Variants in DST observed in about 807,000 individuals in gnomAD.
DST encodes the protein dystonin.
A neutral mutation model predicts 875.2 loss-of-function variants in DST; 253 were observed. The ratio of observed to expected loss-of-function variants is 0.29; its 90% confidence interval spans 0.26 to 0.32. DST has a LOEUF of 0.32. Among genes scored for constraint, DST ranks in the 10% least tolerant of loss-of-function variants. The probability of loss-of-function intolerance (pLI) is 1.00; values close to 1 mark genes in which losing one functional copy is unlikely to be tolerated. For missense variants in DST, 8,287 were observed against 9,111.6 expected (o/e 0.91, Z 3.68); for synonymous variants, 3,124 against 3,197.1 (o/e 0.98, Z 0.77).
Position 56,597,760 on chromosome 6 carries a change from G to C in DST, c.12175C>G (p.Gln4059Glu). Residue 4059 changes from glutamine (Q) to glutamate (E), a missense_variant, in exon 47 of 104, where the codon CAG (glutamine) becomes GAG (glutamate). Transcript: ENST00000680361. ...QVGTTQENLN[Q>E]QYQKVKAQHE... is the part of the protein sequence containing the mutation. ...CACACCTTAACTTTCTGATATTGCT[G>C]ATTCAGATTCTCCTGAGTGGTTCCA... The C allele has an allele frequency of 6.2e-7, 1 of 1,613,636 alleles. No homozygotes were observed. The highest frequency in any genetic ancestry group is 8.5e-7 in the Non-Finnish European group (1 of 1,179,662).
intron 5 of DST, among the ~76,000 whole-genome samples, chr6:56,712,357 T>C (rs767336378): frequency 3.4e-4 from 51 of 152,076 alleles, no homozygotes; most frequent in Non-Finnish European, 4.6e-4. Flanking sequence ...TATGCTCACC[T>C]TTTTCCTACT....
At chr6:56,579,875 G>A (rs1398608253) in intron 49 of DST, among the ~76,000 whole-genome samples, 1 of 152,208 alleles carries the variant, frequency 6.6e-6, no homozygotes, top group Non-Finnish European at 1.5e-5. Context: ...CCTATAGGAA[G>A]GCTAAATTTG....
chr6:56,503,902 C>G, intron 78 of DST, 95 bp downstream of exon 78: 1 of 801,390 alleles, frequency 1.2e-6, no homozygotes, highest in Non-Finnish European at 2.0e-6. Context: ...AGCTGTCATA[C>G]TTACATTAGG....
intron 4 of DST, among the ~76,000 whole-genome samples, chr6:56,785,437 C>A (rs1428946322): frequency 1.3e-5 from 2 of 152,150 alleles, no homozygotes; most frequent in Admixed American, 6.5e-5. Flanking sequence ...CCGCCAGCCT[C>A]GCTGCCGCCT....
chr6:56,954,612 C>G lies in DST; in HGVS notation c.-25G>C. ...TGGTGCGGGCGAGGCGAGGGCGACTCGACGGCGGGGCTGGAGGGCGGCGGC... is the reference window on the plus strand; with the variant it reads ...TGGTGCGGGCGAGGCGAGGGCGACTGGACGGCGGGGCTGGAGGGCGGCGGC... On this transcript the variant is annotated 5_prime_UTR_variant, in exon 1 of 104. Coordinates refer to ENST00000680361, the MANE Select transcript of DST (RefSeq NM_001374736.1). 1 of 1,318,206 alleles carries G rather than the reference C, an allele frequency of 7.6e-7. No individual in the cohort carries two copies. Among genetic ancestry groups the G allele is most frequent in the South Asian group, 1.2e-5 (1 of 81,274 alleles). The allele number at this position is 1,318,206 out of a possible 1,614,324, so 81.7% of individuals were successfully genotyped here. A position where few individuals can be genotyped will look rare whatever the true frequency, so the allele number is the denominator to read the frequency against.
At chr6:56,496,791 T>G (rs1583147253) in intron 82 of DST, among the ~76,000 whole-genome samples, 1 of 151,974 alleles carries the variant, frequency 6.6e-6, no homozygotes, top group Non-Finnish European at 1.5e-5. Flanking sequence ...TAGACTGGAT[T>G]AAGAAAATGT....
At position 56,644,965 on chromosome 6, in the gene DST, T is replaced by A. The variant is rs114077591; in HGVS notation, c.1778+901A>T. Among the ~76,000 whole-genome samples the A allele has an allele frequency of 8.5e-3, 1,293 of 152,304 alleles. 10 individuals carry two copies. The highest frequency in any genetic ancestry group is 0.014 in the Non-Finnish European group (936 of 68,022). ...ATGGTAATGAATAAGTCTCAAGAGATCTGACGGTTTTGTAAATGGGAGTTC... is the reference window on the plus strand; with the variant it reads ...ATGGTAATGAATAAGTCTCAAGAGAACTGACGGTTTTGTAAATGGGAGTTC... On this transcript the variant is annotated intron_variant, in intron 15 of 103. Coordinates refer to ENST00000680361, the MANE Select transcript of DST (RefSeq NM_001374736.1).
At chr6:56,941,527 G>A (rs1374139232) in intron 2 of DST, among the ~76,000 whole-genome samples, 1 of 152,158 alleles carries the variant, frequency 6.6e-6, no homozygotes, top group Non-Finnish European at 1.5e-5. Flanking sequence ...CTGTCACCCA[G>A]GCTGCAGTGC....
chr6:56,491,202 G>A (rs1004759167), intron 85 of DST, among the ~76,000 whole-genome samples: 6 of 152,114 alleles, frequency 3.9e-5, no homozygotes, highest in Non-Finnish European at 8.8e-5. Flanking sequence ...CTATAACAAT[G>A]CAATTTGTCA....
chr6:56,832,643 C>A (rs1307697698), intron 4 of DST, among the ~76,000 whole-genome samples: 1 of 151,668 alleles, frequency 6.6e-6, no homozygotes, highest in Non-Finnish European at 1.5e-5. Flanking sequence ...CTCTATAGCA[C>A]AAACTATTGC....
intron 2 of DST, among the ~76,000 whole-genome samples, chr6:56,908,051 G>A (rs568016062): frequency 8.0e-5 from 12 of 149,462 alleles, no homozygotes; most frequent in African/African-American, 2.5e-4. Flanking sequence ...CCTGGGAGGC[G>A]GAGTGAGACT....
intron 61 of DST, among the ~76,000 whole-genome samples, chr6:56,546,984 C>A (rs1008976600): frequency 2.6e-5 from 4 of 152,160 alleles, no homozygotes; most frequent in African/African-American, 9.7e-5. Flanking sequence ...TATAAAATCT[C>A]TGGCTGGAAC....
intron 61 of DST, among the ~76,000 whole-genome samples, chr6:56,549,822 A>C (rs1021557216): frequency 1.2e-4 from 18 of 152,200 alleles, no homozygotes; most frequent in African/African-American, 4.3e-4. Flanking sequence ...AGATGATTAG[A>C]AAATCCCCCA....
intron 86 of DST, among the ~76,000 whole-genome samples, chr6:56,487,974 A>T (rs1378910079): frequency 2.6e-5 from 4 of 152,220 alleles, no homozygotes; most frequent in Admixed American, 6.5e-5. Context: ...CAAGGTTATA[A>T]TTACCTAAGA....
intron 2 of DST, among the ~76,000 whole-genome samples, chr6:56,915,050 A>G (rs541970349): frequency 6.6e-6 from 1 of 152,300 alleles, no homozygotes. Context: ...GCAATGACAG[A>G]CTCTATAAAT....
At chr6:56,463,972 G>A (rs368711729) in intron 100 of DST, 2 of 676,268 alleles carry the variant, frequency 3.0e-6, no homozygotes, top group East Asian at 2.9e-5. Flanking sequence ...AGGTGAGTTC[G>A]GGGAGGAAAA....
chr6:56,630,535 T>A, intron 30 of DST, 152 bp from the exon 31 acceptor site: 2 of 751,390 alleles, frequency 2.7e-6, no homozygotes, highest in Non-Finnish European at 4.4e-6. Context: ...TTTCTGGCTT[T>A]CTTCTTAATA....
chr6:56,619,982 C>T, intron 36 of DST: 3 of 1,614,008 alleles, frequency 1.9e-6, no homozygotes, highest in African/African-American at 1.3e-5. Flanking sequence ...TTGCTGGAGA[C>T]CCGTTACTGC....
intron 3 of DST, among the ~76,000 whole-genome samples, chr6:56,885,550 T>C (rs1784343052): frequency 6.6e-6 from 1 of 152,164 alleles, no homozygotes. Context: ...TAATCCCCAA[T>C]ATGACAGTAT....
Sources: allele counts gnomAD v4.1 joint callset (sites outside exome capture counted in the v4.1 genomes callset), GRCh38; gene constraint gnomAD v4.1.1; transcripts MANE v1.5; gene names NCBI Gene and HGNC (gene_info 2026-07-23, HGNC 2026-07-21).